The following TRAK2 variants were observed in gnomAD, a reference collection of about 807,000 sequenced individuals.
TRAK2 encodes the protein trafficking kinesin-binding protein 2.
TRAK2 carries 81 observed loss-of-function variants against 104.6 expected under a neutral mutation model. That is an observed-to-expected ratio of 0.77 (90% confidence interval 0.65 to 0.93). The LOEUF is 0.93. TRAK2 is among the 40% of genes least tolerant of loss of function. The pLI is 0.00. For missense variants in TRAK2, 1,002 were observed against 1,089.0 expected, an observed-to-expected ratio of 0.92 and a Z score of 1.12; for synonymous variants, 406 against 394.4, an observed-to-expected ratio of 1.03 and a Z score of -0.35.
At chr2:201,441,848 C>T (rs572972277) in intron 1 of TRAK2, among the ~76,000 whole-genome samples, 5 of 151,508 alleles carry the variant, frequency 3.3e-5, no homozygotes, top group East Asian at 2.0e-4. Context: ...TGCTCCACCA[C>T]GCCCAGCTAA....
At chr2:201,410,399 A>C (rs184991346) in intron 2 of TRAK2, 13 of 536,030 alleles carry the variant, frequency 2.4e-5, no homozygotes, top group Non-Finnish European at 4.0e-5. Context: ...AGTCCATACA[A>C]CTACTATGCT....
chr2:201,451,103 G>A (rs1191557214), intron 1 of TRAK2, among the ~76,000 whole-genome samples: 4 of 152,214 alleles, frequency 2.6e-5, no homozygotes, highest in Non-Finnish European at 5.9e-5. Flanking sequence ...AAGCTGCCAA[G>A]CCTCAGATGT....
intron 9 of TRAK2, among the ~76,000 whole-genome samples, chr2:201,394,496 A>G (rs970936766): frequency 6.6e-6 from 1 of 151,760 alleles, no homozygotes; most frequent in Non-Finnish European, 1.5e-5. Flanking sequence ...GCCCACCACC[A>G]TGCCCAGCTA....
chr2:201,393,859 T>C (rs1410578469), intron 9 of TRAK2, among the ~76,000 whole-genome samples: 1 of 152,192 alleles, frequency 6.6e-6, no homozygotes, highest in African/African-American at 2.4e-5. Flanking sequence ...GTGATCCTTC[T>C]ACCTCAGCCT....
At chr2:201,444,030 A>G (rs994015561) in intron 1 of TRAK2, among the ~76,000 whole-genome samples, 5 of 151,948 alleles carry the variant, frequency 3.3e-5, no homozygotes, top group African/African-American at 1.2e-4. Context: ...GTAAAACCCC[A>G]TCTCTACAAA....
At chr2:201,390,016 T>C (rs1951431290) in intron 10 of TRAK2, 136 bp from the exon 11 acceptor site, 2 of 593,382 alleles carry the variant, frequency 3.4e-6, no homozygotes, top group Non-Finnish European at 2.9e-6. Context: ...AAAAAGACAT[T>C]CTGGAAATAT....
intron 1 of TRAK2, among the ~76,000 whole-genome samples, chr2:201,437,134 T>C (rs1401129566): frequency 2.0e-5 from 3 of 152,172 alleles, no homozygotes; most frequent in African/African-American, 4.8e-5. Context: ...GGTTTGCCCA[T>C]GAACTTCAGG....
In TRAK2 at chr2:201,386,492, T is replaced by C. The variant is rs759753545; in HGVS notation, c.1697-8A>G. 6.8e-6 allele frequency: 11 copies of C among 1,611,818 alleles called. No homozygotes were observed. Among genetic ancestry groups the C allele is most frequent in the Admixed American group, 3.3e-5 (2 of 59,960 alleles). The stretch of plus-strand genomic sequence containing the variant: ...GATACAGAGTTTGTGATCCTGAATA[T>C]GCAAAACAAAGGAAGGGGAAAGGCA... On this transcript the variant is annotated splice_polypyrimidine_tract_variant and splice_region_variant and intron_variant, in intron 13 of 15. Transcript: ENST00000332624.
intron 2 of TRAK2, among the ~76,000 whole-genome samples, chr2:201,414,085 G>C (rs1951671736): frequency 6.6e-6 from 1 of 152,006 alleles, no homozygotes; most frequent in African/African-American, 2.4e-5. Flanking sequence ...AGCAATTAAG[G>C]CACCCAGGGT....
At chr2:201,427,164 A>G (rs927192000) in intron 1 of TRAK2, among the ~76,000 whole-genome samples, 1 of 152,118 alleles carries the variant, frequency 6.6e-6, no homozygotes, top group Non-Finnish European at 1.5e-5. Context: ...TGATAAAAAG[A>G]TGATGTCTTC....
chr2:201,412,394 G>A lies in TRAK2; in HGVS notation c.92-4797C>T, dbSNP rs773801455. ...CTTACAGTTGGAGTTACATTTAACA[G>A]TAGCCTTACATGTTCACGAACTTCC... On this transcript the variant is annotated intron_variant, in intron 2 of 15. Coordinates refer to ENST00000332624, the MANE Select transcript of TRAK2 (RefSeq NM_015049.3). 2.3e-5 allele frequency: 30 copies of A among 1,326,696 alleles called. 1 individual carries two copies. Among genetic ancestry groups the A allele is most frequent in the Non-Finnish European group, 3.3e-5 (30 of 919,710 alleles). 82.2% of individuals were successfully genotyped at this position (1,326,696 alleles called of 1,614,324 possible).
Position 201,398,204 on chromosome 2 carries a change from C to G in TRAK2, c.631G>C (p.Glu211Gln). The change falls in exon 6 of 16, where the codon GAA becomes CAA. Residue 211 changes from glutamate to glutamine, a missense_variant. Transcript: ENST00000332624. ...FSLSQGLLQL[E>Q]MLQEKLKELE... ...TCCTTGAGCTTTTCTTGCAGCATTT[C>G]CAACTGCAGCAACCCTTGAGATAAG... 6.2e-7 allele frequency: 1 copy of G among 1,613,722 alleles called. No homozygotes were observed. Among genetic ancestry groups the G allele is most frequent in the Non-Finnish European group, 8.5e-7 (1 of 1,179,726 alleles).
At chr2:201,386,527 T>C in intron 13 of TRAK2, 43 bp from the exon 14 acceptor site, 1 of 1,601,850 alleles carries the variant, frequency 6.2e-7, no homozygotes, top group South Asian at 1.1e-5. Flanking sequence ...ATGTTTTACA[T>C]TTCCCACAAA....
intron 4 of TRAK2, 51 bp from the exon 5 acceptor site, chr2:201,399,544 G>A (rs1951531903): frequency 1.4e-6 from 2 of 1,394,010 alleles, no homozygotes; most frequent in Non-Finnish European, 2.0e-6. Context: ...AAGGTTAAAT[G>A]GCAGTTCAGA....
At chr2:201,410,718 T>G (rs1951638334) in intron 2 of TRAK2, 2 of 1,453,154 alleles carry the variant, frequency 1.4e-6, no homozygotes, top group Admixed American at 3.4e-5. Context: ...CTGGAGAAAC[T>G]TGAGGAGGTA....
chr2:201,443,906 T>TA (rs1309484827), intron 1 of TRAK2, among the ~76,000 whole-genome samples: 4 of 151,936 alleles, frequency 2.6e-5, no homozygotes, highest in Admixed American at 1.3e-4. Context: ...AACTCCTTCT[T>TA]AAAAAAAATC....
Position 201,378,617 on chromosome 2 carries a change from G to C in TRAK2, c.*1926C>G, listed in dbSNP as rs980367118. The C allele has an allele frequency of 6.6e-6, 1 of 152,128 alleles. No homozygotes were observed. The highest frequency in any genetic ancestry group is 2.4e-5 in the African/African-American group (1 of 41,426). 9.4% of individuals were successfully genotyped at this position (152,128 alleles called of 1,614,324 possible). ...ATATGCGGGAAATTTAAACAGCAGG[G>C]ATTCTTCTATTTAATGCCTGCCCCA... On this transcript the variant is annotated 3_prime_UTR_variant, in exon 16 of 16. Transcript: ENST00000332624.
intron 3 of TRAK2, among the ~76,000 whole-genome samples, chr2:201,405,824 A>T (rs1163312038): frequency 2.0e-5 from 3 of 152,150 alleles, no homozygotes; most frequent in African/African-American, 7.2e-5. Context: ...CTCTACTAAA[A>T]ATACAAAAAT....
intron 1 of TRAK2, among the ~76,000 whole-genome samples, chr2:201,438,341 C>T (rs1951894074): frequency 6.6e-6 from 1 of 152,192 alleles, no homozygotes; most frequent in African/African-American, 2.4e-5. Flanking sequence ...AATTCTGTTG[C>T]AAATCAGTCT....
Sources: gnomAD v4.1 joint callset for allele counts (sites outside exome capture counted in the v4.1 genomes callset) on GRCh38, gnomAD v4.1.1 for gene constraint, MANE v1.5 for transcripts, NCBI Gene and HGNC (gene_info 2026-07-23, HGNC 2026-07-21) for gene names.